Variants in DENND1A observed in about 807,000 individuals in gnomAD.
DENND1A encodes DENN domain-containing protein 1A.
Under a neutral mutation model 113.7 loss-of-function variants are expected in DENND1A, and 51 were observed. The ratio of observed to expected loss-of-function variants is 0.45; its 90% CI spans 0.36 to 0.57. The LOEUF is 0.57. Among genes scored for constraint, DENND1A ranks in the 20% least tolerant of loss-of-function variants. The pLI, the probability that DENND1A is intolerant of heterozygous loss-of-function variation, is 0.00. For synonymous variants in DENND1A, 565 were observed against 570.8 expected, an observed-to-expected ratio of 0.99 and a Z score of 0.14; for missense variants, 1,258 against 1,395.9, an observed-to-expected ratio of 0.90 and a Z score of 1.57.
chr9:123,922,149 G>A (rs772792687), intron 1 of DENND1A, among the ~76,000 whole-genome samples: 21 of 152,042 alleles, frequency 1.4e-4, no homozygotes, highest in Non-Finnish European at 1.3e-4. Flanking sequence ...GCCCATGCTG[G>A]TCTCAACTTC....
intron 2 of DENND1A, among the ~76,000 whole-genome samples, chr9:123,793,839 A>T (rs1833372106): frequency 6.6e-6 from 1 of 152,236 alleles, no homozygotes; most frequent in Admixed American, 6.5e-5. Flanking sequence ...AGGAATATTC[A>T]AAAGGTTATG....
At chr9:123,597,236 C>T (rs1021398736) in intron 11 of DENND1A, among the ~76,000 whole-genome samples, 1 of 152,190 alleles carries the variant, frequency 6.6e-6, no homozygotes, top group Non-Finnish European at 1.5e-5. Context: ...AACAAGCACG[C>T]TGAAACATTG....
intron 1 of DENND1A, among the ~76,000 whole-genome samples, chr9:123,900,912 T>C (rs1851513297): frequency 6.6e-6 from 1 of 152,332 alleles, no homozygotes; most frequent in East Asian, 1.9e-4. Flanking sequence ...TTAATAAGGA[T>C]AAACTCAAAG....
intron 6 of DENND1A, among the ~76,000 whole-genome samples, chr9:123,671,771 C>T (rs1353824238): frequency 1.3e-5 from 2 of 152,110 alleles, no homozygotes; most frequent in Non-Finnish European, 2.9e-5. Context: ...CATCATTACC[C>T]TCAATTAATT....
chr9:123,409,479 C>T (rs920829309), intron 20 of DENND1A, among the ~76,000 whole-genome samples: 1 of 151,094 alleles, frequency 6.6e-6, no homozygotes, highest in Non-Finnish European at 1.5e-5. Flanking sequence ...TTCTAAAATC[C>T]GAAACAAACT....
At chr9:123,791,749 A>G (rs1284269001) in intron 3 of DENND1A, among the ~76,000 whole-genome samples, 1 of 152,212 alleles carries the variant, frequency 6.6e-6, no homozygotes, top group Non-Finnish European at 1.5e-5. Context: ...AGATGCTTTT[A>G]CTGTATATGG....
intron 2 of DENND1A, among the ~76,000 whole-genome samples, chr9:123,849,942 G>T (rs2133121539): frequency 6.6e-6 from 1 of 152,228 alleles, no homozygotes; most frequent in East Asian, 1.9e-4. Context: ...GGACTGAATT[G>T]CTGCGATCTC....
chr9:123,457,685 T>C, intron 14 of DENND1A, 108 bp downstream of exon 14: 1 of 1,094,442 alleles, frequency 9.1e-7, no homozygotes, highest in Non-Finnish European at 1.3e-6. Flanking sequence ...CTCTTTTGCC[T>C]GGGGCCTGAG....
intron 1 of DENND1A, among the ~76,000 whole-genome samples, chr9:123,912,186 A>C (rs1349241496): frequency 6.6e-6 from 1 of 152,234 alleles, no homozygotes; most frequent in African/African-American, 2.4e-5. Flanking sequence ...TTAAGTTTAA[A>C]AATATGTGTA....
At chr9:123,773,711 G>A (rs146616807) in intron 3 of DENND1A, among the ~76,000 whole-genome samples, 29 of 152,170 alleles carry the variant, frequency 1.9e-4, no homozygotes, top group African/African-American at 7.0e-4. Context: ...GCTTTATTTG[G>A]CAGATGAAAA....
intron 16 of DENND1A, 124 bp from the exon 17 acceptor site, chr9:123,452,471 T>C (rs779192633): frequency 2.6e-6 from 2 of 762,854 alleles, no homozygotes; most frequent in East Asian, 2.7e-5. Context: ...CATCGAGAAA[T>C]AGGCCTGGAT....
chr9:123,499,405 G>C (rs2052265728), intron 13 of DENND1A, among the ~76,000 whole-genome samples: 1 of 152,168 alleles, frequency 6.6e-6, no homozygotes, highest in Admixed American at 6.5e-5. Context: ...TATCATAAAG[G>C]GTTGTGGGGA....
chr9:123,773,877 A>G (rs1830089354), intron 3 of DENND1A, among the ~76,000 whole-genome samples: 1 of 152,160 alleles, frequency 6.6e-6, no homozygotes, highest in Admixed American at 6.5e-5. Flanking sequence ...GTGCAGGAAA[A>G]CATTTAAATA....
intron 9 of DENND1A, among the ~76,000 whole-genome samples, chr9:123,637,755 C>G (rs959604108): frequency 9.2e-5 from 14 of 152,090 alleles, no homozygotes; most frequent in Non-Finnish European, 1.9e-4. Context: ...AAGGAAAGAG[C>G]AAACAGTGTC....
At chr9:123,680,757 GA>G (rs1422852869) in intron 5 of DENND1A, among the ~76,000 whole-genome samples, 1 of 152,200 alleles carries the variant, frequency 6.6e-6, no homozygotes, top group Non-Finnish European at 1.5e-5. Flanking sequence ...TATTAAAACA[GA>G]AAACCATTAA....
intron 13 of DENND1A, among the ~76,000 whole-genome samples, chr9:123,527,619 C>A (rs1417386731): frequency 6.6e-6 from 1 of 152,102 alleles, no homozygotes; most frequent in Non-Finnish European, 1.5e-5. Flanking sequence ...TAGTTGGGTA[C>A]CCCCCTTGGA....
At chr9:123,428,751 A>G (rs1564470642) in intron 19 of DENND1A, among the ~76,000 whole-genome samples, 1 of 152,138 alleles carries the variant, frequency 6.6e-6, no homozygotes, top group Non-Finnish European at 1.5e-5. Context: ...ATTCCTATAC[A>G]CAAAGCAGAG....
intron 13 of DENND1A, among the ~76,000 whole-genome samples, chr9:123,534,678 G>A (rs2055589669): frequency 6.6e-6 from 1 of 152,214 alleles, no homozygotes; most frequent in Admixed American, 6.5e-5. Context: ...AATTGAATGT[G>A]TGCAAAACAA....
At chr9:123,847,550 A>C (rs1253032147) in intron 2 of DENND1A, among the ~76,000 whole-genome samples, 4 of 152,222 alleles carry the variant, frequency 2.6e-5, no homozygotes, top group Non-Finnish European at 5.9e-5. Context: ...CAGATAAACA[A>C]AACTAAGATA....
Sources: allele counts gnomAD v4.1 joint callset (sites outside exome capture counted in the v4.1 genomes callset), GRCh38; gene constraint gnomAD v4.1.1; transcripts MANE v1.5; gene names NCBI Gene and HGNC (gene_info 2026-07-23, HGNC 2026-07-21).